Variants in PITPNM2 observed in about 807,000 individuals in gnomAD.
The protein encoded by PITPNM2 is membrane-associated phosphatidylinositol transfer protein 2.
PITPNM2 carries 35 observed loss-of-function variants against 132.2 expected under a neutral mutation model. The observed-to-expected ratio is 0.26, with a 90% CI of 0.20 to 0.35. The LOEUF (loss-of-function observed/expected upper bound fraction) is 0.35, where lower values mean the gene tolerates loss of function less well. PITPNM2 is among the 10% of genes least tolerant of loss of function. The pLI is 1.00. For synonymous variants in PITPNM2, 738 were observed against 799.2 expected, an observed-to-expected ratio of 0.92 and a Z score of 1.29; for missense variants, 1,332 against 1,912.0, an observed-to-expected ratio of 0.70 and a Z score of 5.66.
chr12:123,077,411 C>T lies in PITPNM2; in HGVS notation c.-96+32974G>A, dbSNP rs2041825286. Among the ~76,000 whole-genome samples the T allele has an allele frequency of 6.6e-6, 1 of 152,224 alleles. No individual in the cohort carries two copies. The highest frequency in any genetic ancestry group is 2.4e-5 in the African/African-American group (1 of 41,450). On this transcript the variant is annotated intron_variant, in intron 2 of 25. Coordinates refer to ENST00000320201, the MANE Select transcript of PITPNM2 (RefSeq NM_020845.3). This position sits in a 1 kb window ranked among gnomAD's most constrained non-coding sequence, Gnocchi z 4.8. Reference sequence around the variant, plus strand: ...GGCCAACAATCACCACTCCAGAGCCCTGCCCCATCTAGGGCGCACGTGCAT... The same window carrying T: ...GGCCAACAATCACCACTCCAGAGCCTTGCCCCATCTAGGGCGCACGTGCAT...
intron 23 of PITPNM2, 139 bp from the exon 24 acceptor site, chr12:122,986,968 C>T: frequency 8.5e-7 from 1 of 1,182,096 alleles, no homozygotes; most frequent in Non-Finnish European, 1.2e-6. Context: ...CAATGGTTGA[C>T]AATGACGTGC....
At chr12:122,987,702 C>T (rs760620759) in intron 21 of PITPNM2, 43 bp from the exon 22 acceptor site, 2 of 1,611,312 alleles carry the variant, frequency 1.2e-6, no homozygotes, top group Non-Finnish European at 8.5e-7. Context: ...TGTCTGGCCT[C>T]TCCACCCCCT....
chr12:123,034,361 G>A (rs2040200008), intron 3 of PITPNM2, 152 bp downstream of exon 3: 2 of 691,150 alleles, frequency 2.9e-6, no homozygotes, highest in Admixed American at 2.7e-5. Context: ...CGTGCCTAGA[G>A]GCCAGGGGTC....
chr12:123,007,614 C>A (rs926004532), intron 6 of PITPNM2, among the ~76,000 whole-genome samples: 2 of 152,156 alleles, frequency 1.3e-5, no homozygotes, highest in Non-Finnish European at 1.5e-5. Flanking sequence ...TTCTTAAAGA[C>A]CTCTCTGTGG....
In PITPNM2 at chr12:122,996,762, C is replaced by T. The variant is rs1399000379; in HGVS notation, c.1621G>A (p.Asp541Asn). 6.2e-7 allele frequency: 1 copy of T among 1,611,962 alleles called. No homozygotes were observed. Among genetic ancestry groups the T allele is most frequent in the Non-Finnish European group, 8.5e-7 (1 of 1,179,486 alleles). The change falls in exon 12 of 26, where the codon GAC becomes AAC. Residue 541 changes from aspartate (D) to asparagine (N), a missense_variant. Asp to Asn is a conservative substitution (Grantham distance 23). Coordinates refer to ENST00000320201, the MANE Select transcript of PITPNM2 (RefSeq NM_020845.3). ...ATGCCCTCCTGGGACTTGATGAAGT[C>T]CCCATAGGCAAGGTTGGCTCGCTGA... ...VIQRANLAYG[D>N]FIKSQEGMTF... is the part of the protein sequence containing the mutation.
At chr12:123,001,293 G>A (rs2038665934) in intron 8 of PITPNM2, 135 bp from the exon 9 acceptor site, 2 of 654,098 alleles carry the variant, frequency 3.1e-6, no homozygotes, top group East Asian at 5.2e-5. Flanking sequence ...CCCACACCTT[G>A]GGCATCTTCC....
rs758522513 is a variant in PITPNM2 at position 122,994,763 on chromosome 12, T to C, written c.2233+38A>G. On this transcript the variant is annotated intron_variant, in intron 15 of 25. Transcript: ENST00000320201. This position sits in a 1 kb window ranked among gnomAD's most constrained non-coding sequence, Gnocchi z 5.4. ...CTGAGACCCCCGCCCCCGCACCCAG[T>C]GCATGTACCCCCCATCCTGCCCCTG... 46 of 1,560,710 alleles carry C rather than the reference T, an allele frequency of 2.9e-5. No individual in the cohort carries two copies. The highest frequency in any genetic ancestry group is 3.6e-5 in the Non-Finnish European group (41 of 1,146,844).
At chr12:123,003,133 C>G (rs1358582033) in intron 8 of PITPNM2, among the ~76,000 whole-genome samples, 1 of 152,124 alleles carries the variant, frequency 6.6e-6, no homozygotes, top group Non-Finnish European at 1.5e-5. Context: ...TCTAACAGGC[C>G]TCTCCCTGTC....
chr12:122,987,555 C>T lies in PITPNM2; in HGVS notation c.3219G>A (p.Ser1073=). Residue 1073 remains serine (S), a synonymous_variant, in exon 22 of 26, where the codon TCG becomes TCA. Transcript: ENST00000320201. ...SGRVSYTIPE[S]HRLGVGVYPI... is the part of the protein sequence containing the mutation. ...GGTAGACACCCACGCCCAGGCGGTGCGACTCAGGGATGGTGTAGGAGACAC... is the reference window on the plus strand; with the variant it reads ...GGTAGACACCCACGCCCAGGCGGTGTGACTCAGGGATGGTGTAGGAGACAC... 1.2e-6 allele frequency: 2 copies of T among 1,613,798 alleles called. No individual in the cohort carries two copies. Among genetic ancestry groups the T allele is most frequent in the South Asian group, 1.1e-5 (1 of 91,074 alleles).
chr12:123,067,908 T>C (rs1361218177), intron 2 of PITPNM2, among the ~76,000 whole-genome samples: 2 of 152,162 alleles, frequency 1.3e-5, no homozygotes, highest in African/African-American at 2.4e-5. Context: ...AGGGTGACAC[T>C]AGCATCTGGG....
chr12:123,091,164 A>C (rs2042251478), intron 2 of PITPNM2: 1 of 152,246 alleles, frequency 6.6e-6, no homozygotes, highest in Non-Finnish European at 1.5e-5. Context: ...CGGTTCTGCC[A>C]CCTTGCCCCT....
At chr12:123,145,872 T>C (rs989547379) in intron 1 of PITPNM2, among the ~76,000 whole-genome samples, 1 of 152,110 alleles carries the variant, frequency 6.6e-6, no homozygotes, top group Non-Finnish European at 1.5e-5. Flanking sequence ...TGCAGCACTA[T>C]TCACAATAGC....
chr12:123,124,264 A>G (rs898391401), intron 1 of PITPNM2, among the ~76,000 whole-genome samples: 4 of 151,976 alleles, frequency 2.6e-5, no homozygotes, highest in African/African-American at 7.3e-5. Flanking sequence ...CTCAAAAAAT[A>G]AAATAAAAAT....
In PITPNM2 at chr12:123,082,189, G is replaced by A. The variant is rs531943589; in HGVS notation, c.-96+28196C>T. 1.3e-5 allele frequency among the ~76,000 whole-genome samples: 2 copies of A among 152,306 alleles called. No homozygotes were observed. The highest frequency in any genetic ancestry group is 2.1e-4 in the South Asian group (1 of 4,820). On this transcript the variant is annotated intron_variant, in intron 2 of 25. Transcript: ENST00000320201. The surrounding 1 kb of genome is among the most constrained non-coding windows in gnomAD (Gnocchi z 5.4). ...GCCACCTCTCCGCCCTGGCAAGGCC[G>A]TGGGCAAGTTCCTGCCTTGGGGCAT...
intron 2 of PITPNM2, among the ~76,000 whole-genome samples, chr12:123,044,068 G>A (rs901723349): frequency 3.9e-5 from 6 of 152,204 alleles, no homozygotes; most frequent in African/African-American, 1.2e-4. Context: ...TTAACACTGA[G>A]TATGGCTGAA....
chr12:123,095,367 G>A lies in PITPNM2; in HGVS notation c.-96+15018C>T, dbSNP rs960692234. On this transcript the variant is annotated intron_variant, in intron 2 of 25. Transcript: ENST00000320201. The surrounding 1 kb of genome is among the most constrained non-coding windows in gnomAD (Gnocchi z 5.0). ...CAGCCCCTGCTGACGATTGCTCTGCGCTGCCATCTTTAGAAACAATCATTT... is the reference window on the plus strand; with the variant it reads ...CAGCCCCTGCTGACGATTGCTCTGCACTGCCATCTTTAGAAACAATCATTT... Among the ~76,000 whole-genome samples the A allele has an allele frequency of 2.0e-5, 3 of 152,170 alleles. No homozygotes were observed. Among genetic ancestry groups the A allele is most frequent in the African/African-American group, 7.2e-5 (3 of 41,442 alleles).
intron 18 of PITPNM2, among the ~76,000 whole-genome samples, chr12:122,989,261 G>A (rs559214402): frequency 1.1e-4 from 17 of 152,310 alleles, no homozygotes; most frequent in Non-Finnish European, 1.8e-4. Flanking sequence ...GCTGGGAAAG[G>A]CGGCACAGAG....
intron 1 of PITPNM2, among the ~76,000 whole-genome samples, chr12:123,126,680 G>A (rs1242278047): frequency 6.6e-6 from 1 of 152,076 alleles, no homozygotes; most frequent in East Asian, 1.9e-4. Flanking sequence ...CACCCCTTCC[G>A]TGGCCTCCGA....
At chr12:123,112,135 C>T (rs904173891) in intron 1 of PITPNM2, among the ~76,000 whole-genome samples, 1 of 152,192 alleles carries the variant, frequency 6.6e-6, no homozygotes. Context: ...AATTATGTTT[C>T]TGACTAAAAG....
Sources: allele counts gnomAD v4.1 joint callset (sites outside exome capture counted in the v4.1 genomes callset), GRCh38; gene constraint gnomAD v4.1.1; non-coding constraint Gnocchi (gnomAD v3.1); transcripts MANE v1.5; gene names NCBI Gene and HGNC (gene_info 2026-07-23, HGNC 2026-07-21).